GRID2: variants seen among roughly 807,000 people sequenced by gnomAD.
GRID2 encodes the protein glutamate receptor ionotropic, delta-2.
A neutral mutation model predicts 114.8 loss-of-function variants in GRID2; 33 were observed. The observed-to-expected ratio is 0.29, with a 90% confidence interval of 0.22 to 0.38. The LOEUF (loss-of-function observed/expected upper bound fraction) is 0.38. Among genes scored for constraint, GRID2 ranks in the 10% least tolerant of loss-of-function variants. The probability of loss-of-function intolerance (pLI) is 1.00; values close to 1 mark genes in which losing one functional copy is unlikely to be tolerated. For missense variants in GRID2, 1,184 were observed against 1,257.7 expected, an observed-to-expected ratio of 0.94 and a Z score of 0.89; for synonymous variants, 505 against 449.9, an observed-to-expected ratio of 1.12 and a Z score of -1.55.
Position 93,626,258 on chromosome 4 carries a change from T to A in GRID2, c.2194-11T>A, listed in dbSNP as rs752361134. ...ACCCTATTTCTTCTTTTGTTCTTCA[T>A]TTTTTCACAGGTAAAATATGGAAAT... On this transcript the variant is annotated splice_polypyrimidine_tract_variant and intron_variant, in intron 13 of 15. Coordinates refer to ENST00000282020, the MANE Select transcript of GRID2 (RefSeq NM_001510.4). 12 of 1,547,148 alleles carry A rather than the reference T, an allele frequency of 7.8e-6. No homozygotes were observed. The African/African-American group carries it at 1.4e-4, about 18-fold the overall frequency.
At chr4:92,501,140 A>T (rs369973206) in intron 1 of GRID2, among the ~76,000 whole-genome samples, 4 of 152,148 alleles carry the variant, frequency 2.6e-5, no homozygotes, top group Non-Finnish European at 5.9e-5. Flanking sequence ...ACAGGAATGC[A>T]TTCGGGAATT....
chr4:93,040,872 G>T (rs1395220786), intron 2 of GRID2, among the ~76,000 whole-genome samples: 3 of 152,050 alleles, frequency 2.0e-5, no homozygotes, highest in Non-Finnish European at 4.4e-5. Flanking sequence ...CTGTATTTAT[G>T]GCATCTTTCT....
chr4:93,206,647 GCTTA>G (rs1160847695), intron 4 of GRID2, among the ~76,000 whole-genome samples: 3 of 148,486 alleles, frequency 2.0e-5, no homozygotes, highest in African/African-American at 7.5e-5. Flanking sequence ...CACATCTGAG[GCTTA>G]CTTCTTTGGC....
chr4:93,521,737 G>A (rs184069718), intron 13 of GRID2, among the ~76,000 whole-genome samples: 11 of 152,064 alleles, frequency 7.2e-5, no homozygotes, highest in African/African-American at 1.2e-4. Flanking sequence ...ACAAATAATC[G>A]AATCACCAAG....
At chr4:93,314,267 G>A (rs567886634) in intron 8 of GRID2, among the ~76,000 whole-genome samples, 16 of 123,540 alleles carry the variant, frequency 1.3e-4, no homozygotes, top group South Asian at 2.6e-4. Context: ...ATCGTACACC[G>A]CATTCCAGCC....
At chr4:93,301,371 A>C (rs1204950282) in intron 8 of GRID2, among the ~76,000 whole-genome samples, 3 of 152,172 alleles carry the variant, frequency 2.0e-5, no homozygotes, top group Non-Finnish European at 4.4e-5. Context: ...GGACTTCCTA[A>C]ATTAAAAAGT....
chr4:93,149,895 C>A (rs1166929427), intron 4 of GRID2, among the ~76,000 whole-genome samples: 1 of 151,990 alleles, frequency 6.6e-6, no homozygotes, highest in Non-Finnish European at 1.5e-5. Context: ...CTCCACCTCC[C>A]AGTAGGCTGG....
Position 93,410,876 on chromosome 4 carries a change from C to A in GRID2, c.1348-11895C>A, listed in dbSNP as rs573128033. Among the ~76,000 whole-genome samples the A allele has an allele frequency of 1.4e-4, 21 of 152,314 alleles. No homozygotes were observed. The Middle Eastern group carries it at 0.01, about 75-fold the overall frequency. On this transcript the variant is annotated intron_variant, in intron 9 of 15. Transcript: ENST00000282020. ...GGGATAACAGGCGTGAGCCACAGTG[C>A]CCGGCCTCTCTATTCCTTTTACCTC...
chr4:92,438,174 A>G (rs566853965), intron 1 of GRID2, among the ~76,000 whole-genome samples: 1 of 152,186 alleles, frequency 6.6e-6, no homozygotes, highest in African/African-American at 2.4e-5. Flanking sequence ...AATAAATTTC[A>G]TGAATATCTC....
At chr4:92,567,562 A>G (rs1333463377) in intron 1 of GRID2, among the ~76,000 whole-genome samples, 2 of 152,046 alleles carry the variant, frequency 1.3e-5, no homozygotes, top group Non-Finnish European at 2.9e-5. Flanking sequence ...ATAAAGTTTC[A>G]TCGGGAAAAT....
At chr4:93,573,761 T>C (rs1423285031) in intron 13 of GRID2, among the ~76,000 whole-genome samples, 2 of 152,166 alleles carry the variant, frequency 1.3e-5, no homozygotes, top group African/African-American at 4.8e-5. Flanking sequence ...AATCATGTTC[T>C]TTTGGGAGCT....
At chr4:92,340,536 G>T (rs1220301697) in intron 1 of GRID2, among the ~76,000 whole-genome samples, 2 of 151,874 alleles carry the variant, frequency 1.3e-5, no homozygotes, top group Non-Finnish European at 2.9e-5. Flanking sequence ...TTCATGGCTT[G>T]GTGCCTTTCA....
intron 14 of GRID2, among the ~76,000 whole-genome samples, chr4:93,720,144 C>G (rs1729227431): frequency 6.6e-6 from 1 of 151,686 alleles, no homozygotes; most frequent in Non-Finnish European, 1.5e-5. Flanking sequence ...GTGAGAGCCC[C>G]CAAAAAAAAT....
intron 2 of GRID2, among the ~76,000 whole-genome samples, chr4:92,797,090 G>A (rs1297703722): frequency 1.3e-5 from 2 of 151,896 alleles, no homozygotes; most frequent in Non-Finnish European, 2.9e-5. Context: ...TCCGTTTATA[G>A]TGGATATCAA....
chr4:93,410,315 G>A (rs1347014573), intron 9 of GRID2, among the ~76,000 whole-genome samples: 2 of 152,062 alleles, frequency 1.3e-5, no homozygotes, highest in African/African-American at 4.8e-5. Flanking sequence ...CTTTTCTCGT[G>A]TAAGTGTCTC....
intron 2 of GRID2, among the ~76,000 whole-genome samples, chr4:92,747,640 T>C (rs938830997): frequency 1.3e-5 from 2 of 152,148 alleles, no homozygotes; most frequent in African/African-American, 4.8e-5. Flanking sequence ...ATGGTATTCT[T>C]TTATATTATA....
At chr4:93,153,210 C>T (rs1261364814) in intron 4 of GRID2, among the ~76,000 whole-genome samples, 1 of 152,018 alleles carries the variant, frequency 6.6e-6, no homozygotes, top group African/African-American at 2.4e-5. Context: ...CACCAAGAAA[C>T]TGGAGTGATC....
At chr4:92,746,352 G>T (rs940990814) in intron 2 of GRID2, among the ~76,000 whole-genome samples, 5 of 152,030 alleles carry the variant, frequency 3.3e-5, no homozygotes, top group Non-Finnish European at 7.4e-5. Context: ...TTTTTAAAAT[G>T]CAAAGATTTA....
At position 92,686,674 on chromosome 4, in the gene GRID2, G is replaced by T. The variant is rs7654537; in HGVS notation, c.244+96388G>T. 2.6e-3 allele frequency among the ~76,000 whole-genome samples: 401 copies of T among 151,732 alleles called. 1 individual carries two copies. The highest frequency in any genetic ancestry group is 9.3e-3 in the African/African-American group (386 of 41,414). ...TAATATTTGTGTTCCTACTCAGTTT[G>T]GATACAAGTCAAAATAATTTGATAA... On this transcript the variant is annotated intron_variant, in intron 2 of 15. Transcript: ENST00000282020.
Sources: gnomAD v4.1 joint callset for allele counts (sites outside exome capture counted in the v4.1 genomes callset) on GRCh38, gnomAD v4.1.1 for gene constraint, MANE v1.5 for transcripts, NCBI Gene and HGNC (gene_info 2026-07-23, HGNC 2026-07-21) for gene names.